USF2: variants seen among roughly 807,000 people sequenced by gnomAD.
USF2 encodes the protein upstream transcription factor 2, c-fos interacting.
USF2 carries 16 observed loss-of-function variants against 46.9 expected under a neutral mutation model. The observed-to-expected ratio is 0.34, with a 90% CI of 0.23 to 0.52. The LOEUF is 0.52. Ranked by LOEUF, USF2 falls within the 20% of genes least tolerant of loss-of-function variation. The pLI, the probability that USF2 is intolerant of heterozygous loss-of-function variation, is 0.96. For missense variants in USF2, 411 were observed against 474.0 expected (o/e 0.87, Z 1.23); for synonymous variants, 239 against 194.1 (o/e 1.23, Z -1.92).
Position 35,279,206 on chromosome 19 carries a change from C to A in USF2, c.991C>A (p.Gln331Lys). The A allele has an allele frequency of 2.5e-6, 4 of 1,594,132 alleles. No individual in the cohort carries two copies. Among genetic ancestry groups the A allele is most frequent in the Non-Finnish European group, 3.4e-6 (4 of 1,170,094 alleles). Residue 331 changes from glutamine to lysine, a missense_variant, in exon 10 of 10, where the codon CAG (glutamine) becomes AAG (lysine). By Grantham distance (53) the Gln-to-Lys change is moderately conservative. Transcript: ENST00000222305. ...GAATGAGAACGCCCTGCTTCGAGCCCAGCTGCAGCAGCACAACCTGGAGAT... is the reference window on the plus strand; with the variant it reads ...GAATGAGAACGCCCTGCTTCGAGCCAAGCTGCAGCAGCACAACCTGGAGAT... ...LKNENALLRA[Q>K]LQQHNLEMVG...
chr19:35,270,984 T>C (rs777799477), intron 6 of USF2, 99 bp from the exon 7 acceptor site: 1 of 1,528,284 alleles, frequency 6.5e-7, no homozygotes, highest in South Asian at 1.1e-5. Flanking sequence ...CAGATGGATT[T>C]ACCTTGCAAA....
chr19:35,277,129 C>T (rs892532962), intron 7 of USF2: 7 of 152,374 alleles, frequency 4.6e-5, no homozygotes, highest in Non-Finnish European at 8.8e-5. Context: ...ACTCTCAGCT[C>T]CGCTGCTGCT....
In USF2 at chr19:35,270,850, G is replaced by A. The variant is rs776820884; in HGVS notation, c.668+45G>A. On this transcript the variant is annotated intron_variant, in intron 6 of 9. Transcript: ENST00000222305. ...GGAGGGCCTGGTGTTGAAATGGAAG[G>A]AAGAGGGGTTTCTGGAGTAGAAGCT... 1.9e-6 allele frequency: 3 copies of A among 1,610,144 alleles called. No homozygotes were observed. In the South Asian group the frequency reaches 3.3e-5, roughly 18 times the overall value.
chr19:35,269,822 A>T lies in USF2; in HGVS notation c.248A>T (p.Gln83Leu). Residue 83 changes from glutamine to leucine, a missense_variant, in exon 4 of 10, where the codon CAG becomes CTG. Physicochemically the swap from Gln to Leu is moderately radical, Grantham distance 113. Around this residue, in one of 2 missense-constraint regions of USF2, gnomAD observed 318 missense variants for 322.4 expected, o/e 0.99. Transcript: ENST00000222305. ...CTGCAGGTGACATACCGCGTAGTCCAGGTGACTGATGGTCAGCTGGACGGC... is the reference window on the plus strand; with the variant it reads ...CTGCAGGTGACATACCGCGTAGTCCTGGTGACTGATGGTCAGCTGGACGGC... ...NGGQVTYRVV[Q>L]VTDGQLDGQG... 6.8e-7 allele frequency: 1 copy of T among 1,479,814 alleles called. No homozygotes were observed. The highest frequency in any genetic ancestry group is 8.9e-7 in the Non-Finnish European group (1 of 1,120,002). The allele number at this position is 1,479,814 out of a possible 1,614,324, so 91.7% of individuals were successfully genotyped here.
chr19:35,272,782 A>G (rs1353985132), intron 7 of USF2, among the ~76,000 whole-genome samples: 5 of 151,986 alleles, frequency 3.3e-5, no homozygotes, highest in Admixed American at 1.3e-4. Context: ...AGGCTGGAGA[A>G]TAAGGGTTTC....
chr19:35,270,962 C>G (rs536300892), intron 6 of USF2, 121 bp from the exon 7 acceptor site: 63 of 1,463,484 alleles, frequency 4.3e-5, no homozygotes, highest in Middle Eastern at 3.5e-4. Context: ...AGTATCATGT[C>G]TTTTGTTTTT....
At chr19:35,273,180 C>T (rs985958176) in intron 7 of USF2, among the ~76,000 whole-genome samples, 3 of 152,212 alleles carry the variant, frequency 2.0e-5, no homozygotes, top group Non-Finnish European at 4.4e-5. Flanking sequence ...GCTTTCCTGA[C>T]TTGCAGAGCA....
intron 7 of USF2, 122 bp downstream of exon 7, chr19:35,271,263 G>C: frequency 8.7e-7 from 1 of 1,148,162 alleles, no homozygotes; most frequent in Non-Finnish European, 1.3e-6. Flanking sequence ...GCTCCAGAGG[G>C]CTTTGCTGGA....
chr19:35,275,404 A>G lies in USF2; in HGVS notation c.728-3294A>G, dbSNP rs957000818. On this transcript the variant is annotated intron_variant, in intron 7 of 9. Coordinates refer to ENST00000222305, the MANE Select transcript of USF2 (RefSeq NM_003367.4). ...TTTCATGCTTTAGCTTCCCTGGCAC[A>G]CCCCAACCCCAGCTTTTTAAGGTAA... The G allele has an allele frequency of 5.5e-5, 8 of 146,150 alleles. No individual in the cohort carries two copies. In the East Asian group the frequency reaches 7.9e-4, roughly 14 times the overall value. The allele number at this position is 146,150 out of a possible 1,614,324, so 9.1% of individuals were successfully genotyped here.
chr19:35,276,269 G>A (rs1313816041), intron 7 of USF2, among the ~76,000 whole-genome samples: 1 of 151,816 alleles, frequency 6.6e-6, no homozygotes, highest in Non-Finnish European at 1.5e-5. Flanking sequence ...CCGGGGTTTC[G>A]CCATGTTGGC....
At chr19:35,274,487 T>A (rs2066204381) in intron 7 of USF2, among the ~76,000 whole-genome samples, 1 of 152,158 alleles carries the variant, frequency 6.6e-6, no homozygotes. Flanking sequence ...GAGGTGCACT[T>A]GGCATCTCAG....
At chr19:35,278,865 C>A (rs1420297007) in intron 8 of USF2, 73 bp downstream of exon 8, 2 of 1,606,638 alleles carry the variant, frequency 1.2e-6, no homozygotes, top group Admixed American at 3.4e-5. Flanking sequence ...GTCCAACAGC[C>A]ATGGGGCTCG....
chr19:35,279,796 T>C lies in USF2; in HGVS notation c.*540T>C, dbSNP rs1330504920. ...AGAGAGGTATTTAACTGCAATAAAC[T>C]GGCCCCATGTGGCCCCCGCCTTGTC... On this transcript the variant is annotated 3_prime_UTR_variant, in exon 10 of 10. Coordinates refer to ENST00000222305, the MANE Select transcript of USF2 (RefSeq NM_003367.4). The C allele has an allele frequency of 6.5e-6, 1 of 152,814 alleles. No homozygotes were observed. Among genetic ancestry groups the C allele is most frequent in the Admixed American group, 6.5e-5 (1 of 15,272 alleles). The allele number at this position is 152,814 out of a possible 1,614,324, so 9.5% of individuals were successfully genotyped here. A position where few individuals can be genotyped will look rare whatever the true frequency, so the allele number is the denominator to read the frequency against.
chr19:35,279,298 T>G lies in USF2; in HGVS notation c.*42T>G. 2 of 1,458,696 alleles carry G rather than the reference T, an allele frequency of 1.4e-6. No homozygotes were observed. The highest frequency in any genetic ancestry group is 1.8e-6 in the Non-Finnish European group (2 of 1,104,808). The allele number at this position is 1,458,696 out of a possible 1,614,324, so 90.4% of individuals were successfully genotyped here. On this transcript the variant is annotated 3_prime_UTR_variant, in exon 10 of 10. Transcript: ENST00000222305. ...GCAGCCGCCGCCGCCCACGCCGGCC[T>G]CTGCTGCCCCCTTCCCCAGCCCTTA...
At chr19:35,273,026 C>T (rs898641633) in intron 7 of USF2, among the ~76,000 whole-genome samples, 15 of 152,054 alleles carry the variant, frequency 9.9e-5, no homozygotes, top group African/African-American at 3.1e-4. Flanking sequence ...CACAGTAAGG[C>T]GAAGAGAGGA....
Position 35,270,566 on chromosome 19 carries a change from A to G in USF2, c.549A>G (p.Val183=). The G allele has an allele frequency of 1.2e-6, 2 of 1,614,014 alleles. No individual in the cohort carries two copies. The highest frequency in any genetic ancestry group is 2.2e-5 in the South Asian group (2 of 91,082). Residue 183 remains valine (V), a synonymous_variant, in exon 5 of 10, where the codon GTA becomes GTG. Coordinates refer to ENST00000222305, the MANE Select transcript of USF2 (RefSeq NM_003367.4). The part of the protein sequence containing the change: ...SSVGDTTAVS[V]QTTDQSLQAG... The stretch of plus-strand genomic sequence containing the variant: ...TGGGAGATACTACGGCTGTGTCCGT[A>G]CAGACCACAGACCAGAGCTTGCAGG...
At chr19:35,278,919 A>G in intron 8 of USF2, 27 bp from the exon 9 acceptor site, 1 of 1,567,382 alleles carries the variant, frequency 6.4e-7, no homozygotes, top group Non-Finnish European at 8.7e-7. Context: ...TGCCTGCCCT[A>G]AGGCTCCTGG....
intron 7 of USF2, among the ~76,000 whole-genome samples, chr19:35,276,141 G>A (rs1160951658): frequency 2.2e-5 from 3 of 136,882 alleles, no homozygotes; most frequent in Non-Finnish European, 3.0e-5. Context: ...ATGTGGTCTC[G>A]GCTCACTACA....
intron 9 of USF2, 37 bp from the exon 10 acceptor site, chr19:35,279,130 G>A: frequency 6.2e-7 from 1 of 1,612,424 alleles, no homozygotes; most frequent in Non-Finnish European, 8.5e-7. Context: ...GCAAGGCGCT[G>A]GCCCTCAGCT....
Sources: gnomAD v4.1 joint callset for allele counts (sites outside exome capture counted in the v4.1 genomes callset) on GRCh38, gnomAD v4.1.1 for gene constraint, gnomAD v4.1.1 regional missense constraint, MANE v1.5 for transcripts, NCBI Gene and HGNC (gene_info 2026-07-23, HGNC 2026-07-21) for gene names.